Variants in KDM7A observed in about 807,000 individuals in gnomAD.
The protein encoded by KDM7A is lysine demethylase 7A.
A neutral mutation model predicts 114.8 loss-of-function variants in KDM7A; 28 were observed. That is an observed-to-expected ratio of 0.24 (90% CI 0.18 to 0.33). The LOEUF (loss-of-function observed/expected upper bound fraction) is 0.33, where lower values mean the gene tolerates loss of function less well. Among genes scored for constraint, KDM7A ranks in the 10% least tolerant of loss-of-function variants. The probability of loss-of-function intolerance (pLI) is 1.00; values close to 1 mark genes in which losing one functional copy is unlikely to be tolerated. For missense variants in KDM7A, 942 were observed against 1,142.5 expected (o/e 0.82, Z 2.53); for synonymous variants, 423 against 397.8 (o/e 1.06, Z -0.75).
intron 3 of KDM7A, among the ~76,000 whole-genome samples, chr7:140,132,203 C>A (rs1209539630): frequency 6.6e-6 from 1 of 152,152 alleles, no homozygotes; most frequent in Non-Finnish European, 1.5e-5. Flanking sequence ...TGCTATTCTA[C>A]TATGGTTTGA....
intron 1 of KDM7A, among the ~76,000 whole-genome samples, chr7:140,170,758 A>C (rs1187047505): frequency 6.6e-6 from 1 of 152,276 alleles, no homozygotes; most frequent in South Asian, 2.1e-4. Context: ...GTCACAAGAC[A>C]GCAAGGACTT....
chr7:140,137,892 G>A (rs985343160), intron 2 of KDM7A, among the ~76,000 whole-genome samples: 8 of 152,114 alleles, frequency 5.3e-5, no homozygotes, highest in African/African-American at 1.9e-4. Flanking sequence ...AAATAAAGAG[G>A]TCATATAAGT....
Position 140,088,717 on chromosome 7 carries a change from C to T in KDM7A, c.*2377G>A, listed in dbSNP as rs1169164378. ...CGCTGAAAGTTTTCTAACTTAGCCA[C>T]TTATTAAGGGGCTAAAACTACTAAA... On this transcript the variant is annotated 3_prime_UTR_variant, in exon 20 of 20. Coordinates refer to ENST00000397560, the MANE Select transcript of KDM7A (RefSeq NM_030647.2). The T allele has an allele frequency of 1.0e-5, 4 of 388,642 alleles. No homozygotes were observed. Among genetic ancestry groups the T allele is most frequent in the Non-Finnish European group, 1.8e-5 (4 of 220,002 alleles). 24.1% of individuals were successfully genotyped at this position (388,642 alleles called of 1,614,324 possible). A position where few individuals can be genotyped will look rare whatever the true frequency, so the allele number is the denominator to read the frequency against.
chr7:140,100,754 TTTTGTTTG>T (rs199740328), intron 12 of KDM7A, among the ~76,000 whole-genome samples: 1 of 107,704 alleles, frequency 9.3e-6, no homozygotes, highest in Non-Finnish European at 1.8e-5. Flanking sequence ...ATATATATTT[TTTTGTTTG>T]TTTGTTTGTT....
chr7:140,140,363 T>G (rs1274811780), intron 1 of KDM7A, among the ~76,000 whole-genome samples: 1 of 152,232 alleles, frequency 6.6e-6, no homozygotes, highest in African/African-American at 2.4e-5. Context: ...AACATTTATG[T>G]TTGATTAAAA....
intron 1 of KDM7A, among the ~76,000 whole-genome samples, chr7:140,139,656 A>C (rs977500050): frequency 3.3e-5 from 5 of 152,210 alleles, no homozygotes; most frequent in Non-Finnish European, 7.3e-5. Flanking sequence ...TATCTACCTC[A>C]AGAAGTTACA....
intron 1 of KDM7A, among the ~76,000 whole-genome samples, chr7:140,171,188 C>T (rs1280594651): frequency 3.3e-5 from 5 of 151,790 alleles, no homozygotes; most frequent in Non-Finnish European, 5.9e-5. Flanking sequence ...TATGGCCGGG[C>T]GTGGTGGCTC....
chr7:140,160,037 T>C, intron 1 of KDM7A, among the ~76,000 whole-genome samples: 1 of 151,992 alleles, frequency 6.6e-6, no homozygotes, highest in African/African-American at 2.4e-5. Flanking sequence ...TAGGTACACA[T>C]TTTAGATAAT....
At chr7:140,131,718 A>G (rs1818789470) in intron 3 of KDM7A, among the ~76,000 whole-genome samples, 1 of 152,248 alleles carries the variant, frequency 6.6e-6, no homozygotes, top group Admixed American at 6.5e-5. Context: ...GAGAATTTTA[A>G]ATCACTTGTA....
intron 1 of KDM7A, among the ~76,000 whole-genome samples, chr7:140,159,941 C>T (rs1445788027): frequency 7.4e-6 from 1 of 134,556 alleles, no homozygotes; most frequent in African/African-American, 2.9e-5. Flanking sequence ...TCCTTGACTT[C>T]CATTAAAAAA....
intron 12 of KDM7A, among the ~76,000 whole-genome samples, chr7:140,100,727 T>TATATATATACAC: frequency 1.7e-5 from 1 of 60,372 alleles, no homozygotes; most frequent in Non-Finnish European, 3.2e-5. Context: ...TATATATATA[T>TATATATATACAC]ATATATATAT....
intron 14 of KDM7A, among the ~76,000 whole-genome samples, chr7:140,097,928 A>T (rs1818142172): frequency 6.6e-6 from 1 of 152,240 alleles, no homozygotes; most frequent in Non-Finnish European, 1.5e-5. Context: ...TCTTTCCAGA[A>T]GAAAAATGCT....
chr7:140,103,456 T>TCCCC (rs36126233), intron 11 of KDM7A, among the ~76,000 whole-genome samples: 1 of 147,604 alleles, frequency 6.8e-6, no homozygotes, highest in Non-Finnish European at 1.5e-5. Flanking sequence ...ATGTTATCCC[T>TCCCC]CCCCCCCCCT....
chr7:140,176,065 G>A lies in KDM7A; in HGVS notation c.194+679C>T, dbSNP rs1466957257. Among the ~76,000 whole-genome samples the A allele has an allele frequency of 6.6e-6, 1 of 151,754 alleles. No individual in the cohort carries two copies. Among genetic ancestry groups the A allele is most frequent in the Non-Finnish European group, 1.5e-5 (1 of 67,892 alleles). On this transcript the variant is annotated intron_variant, in intron 1 of 19. Transcript: ENST00000397560. The surrounding 1 kb of genome is among the most constrained non-coding windows in gnomAD (Gnocchi z 4.4). ...CGGGGGCCCGGCCCCAACTTCCCCG[G>A]CACCTTTCAAGTCCCCGAGAGCGAG... is the stretch of plus-strand genomic sequence containing the variant.
intron 2 of KDM7A, among the ~76,000 whole-genome samples, chr7:140,136,851 G>C (rs1468562739): frequency 1.3e-5 from 2 of 152,180 alleles, no homozygotes; most frequent in Non-Finnish European, 2.9e-5. Context: ...GCCAGGTGTG[G>C]TGGCACACAA....
chr7:140,106,157 G>C (rs1347845776), intron 11 of KDM7A, among the ~76,000 whole-genome samples: 1 of 151,882 alleles, frequency 6.6e-6, no homozygotes, highest in African/African-American at 2.4e-5. Flanking sequence ...ATTTTTTATT[G>C]CATCTATTTG....
chr7:140,144,710 T>TAC (rs3030431), intron 1 of KDM7A, among the ~76,000 whole-genome samples: 54,099 of 146,216 alleles, frequency 0.37, 10,475 homozygotes, highest in African/African-American at 0.52. Context: ...GTCCCCACCA[T>TAC]ACACACACAC....
intron 11 of KDM7A, among the ~76,000 whole-genome samples, chr7:140,107,003 T>C (rs867003780): frequency 6.6e-6 from 1 of 152,248 alleles, no homozygotes; most frequent in Admixed American, 6.5e-5. Flanking sequence ...TCTTGTTGAA[T>C]TGATCCCTTT....
chr7:140,139,246 C>T (rs1390899895), intron 1 of KDM7A, 56 bp from the exon 2 acceptor site: 11 of 1,198,076 alleles, frequency 9.2e-6, no homozygotes, highest in South Asian at 1.2e-5. Flanking sequence ...CTTCGCTTAA[C>T]TATAATACAG....
Sources: gnomAD v4.1 joint callset for allele counts (sites outside exome capture counted in the v4.1 genomes callset) on GRCh38, gnomAD v4.1.1 for gene constraint, Gnocchi (gnomAD v3.1) non-coding constraint, MANE v1.5 for transcripts, NCBI Gene and HGNC (gene_info 2026-07-23, HGNC 2026-07-21) for gene names.